PARP16: variants seen among roughly 807,000 people sequenced by gnomAD.
PARP16 encodes the protein poly(ADP-ribose) polymerase family member 16.
Under a neutral mutation model 35.0 loss-of-function variants are expected in PARP16, and 31 were observed. The observed-to-expected ratio is 0.88, with a 90% CI of 0.66 to 1.19. The LOEUF is 1.19. PARP16 is among the 50% of genes most tolerant of loss of function. The pLI is 0.00. For missense variants in PARP16, 424 were observed against 411.2 expected (o/e 1.03, Z -0.27); for synonymous variants, 162 against 169.5 (o/e 0.96, Z 0.34).
intron 2 of PARP16, 108 bp from the exon 3 acceptor site, chr15:65,266,876 GAAC>G (rs754773254): frequency 2.3e-5 from 17 of 753,132 alleles, no homozygotes; most frequent in Non-Finnish European, 3.6e-5. Flanking sequence ...CTGCTCATGA[GAAC>G]AACAGGTTTC....
chr15:65,285,275 T>A (rs2090554498), intron 1 of PARP16, among the ~76,000 whole-genome samples: 6 of 151,980 alleles, frequency 3.9e-5, no homozygotes, highest in Admixed American at 3.9e-4. Context: ...GTAGCTGGGA[T>A]TACAGGCATG....
rs1415686835 is a variant in PARP16, at chr15:65,271,045, G to C, written c.202C>G (p.Leu68Val). Reference protein sequence around the residue: ...LLADASKLPNLKELLQSSGDN... With the variant: ...LLADASKLPNVKELLQSSGDN... The stretch of plus-strand genomic sequence containing the variant: ...CCGGAGGACTGGAGAAGTTCTTTCA[G>C]GTTAGGTAACTTGCTGGCATCTGCA... Residue 68 changes from leucine (L) to valine (V), a missense_variant, in exon 2 of 6, where the codon CTG becomes GTG. By Grantham distance (32) the Leu-to-Val change is conservative. Coordinates refer to ENST00000649807, the MANE Select transcript of PARP16 (RefSeq NM_001316943.2). 1 of 1,614,092 alleles carries C rather than the reference G, an allele frequency of 6.2e-7. No homozygotes were observed. The highest frequency in any genetic ancestry group is 8.5e-7 in the Non-Finnish European group (1 of 1,179,978).
chr15:65,248,329 G>A (rs2089265574), intron 2 of PARP16: 1 of 455,026 alleles, frequency 2.2e-6, no homozygotes, highest in Admixed American at 2.4e-5. Flanking sequence ...TGCACAAATA[G>A]GCATATGTGC....
chr15:65,253,157 C>CA (rs1057228787), downstream of PARP16, among the ~76,000 whole-genome samples: 7 of 127,870 alleles, frequency 5.5e-5, no homozygotes, highest in Non-Finnish European at 9.1e-5. Flanking sequence ...ACAAAACAAA[C>CA]AAAAAAAACA....
intron 3 of PARP16, among the ~76,000 whole-genome samples, chr15:65,265,444 C>T (rs1359637505): frequency 6.6e-6 from 1 of 152,188 alleles, no homozygotes; most frequent in Non-Finnish European, 1.5e-5. Context: ...GTCTCTGTAG[C>T]TCCAGGGTCT....
chr15:65,272,032 G>C (rs2090111773), intron 1 of PARP16, among the ~76,000 whole-genome samples: 1 of 152,220 alleles, frequency 6.6e-6, no homozygotes, highest in Admixed American at 6.5e-5. Context: ...TCATGAGTGA[G>C]ACCAGCCTCT....
chr15:65,265,087 C>T (rs1461242937), intron 3 of PARP16, among the ~76,000 whole-genome samples: 1 of 152,202 alleles, frequency 6.6e-6, no homozygotes, highest in African/African-American at 2.4e-5. Flanking sequence ...TTAGCAAAAC[C>T]CAACGACATT....
At chr15:65,265,316 A>T (rs183700358) in intron 3 of PARP16, among the ~76,000 whole-genome samples, 1 of 152,358 alleles carries the variant, frequency 6.6e-6, no homozygotes, top group East Asian at 1.9e-4. Context: ...CTTTGCATAC[A>T]TGAACTGTTT....
intron 3 of PARP16, among the ~76,000 whole-genome samples, chr15:65,245,127 G>A (rs918595812): frequency 3.3e-5 from 5 of 152,256 alleles, no homozygotes; most frequent in African/African-American, 1.2e-4. Context: ...CTGCTCCTCA[G>A]TAATTCTGCT....
At chr15:65,236,921 G>A (rs1436747571) in intron 3 of PARP16, among the ~76,000 whole-genome samples, 1 of 147,354 alleles carries the variant, frequency 6.8e-6, no homozygotes, top group Non-Finnish European at 1.5e-5. Context: ...GCAGTGAGCC[G>A]AGATTGCACC....
downstream of PARP16, among the ~76,000 whole-genome samples, chr15:65,253,719 A>C (rs1373392859): frequency 1.3e-5 from 2 of 152,106 alleles, no homozygotes; most frequent in Admixed American, 6.6e-5. Context: ...TCACTCAATA[A>C]ACTCTTCTCC....
At chr15:65,236,152 C>T (rs2088873610) in intron 3 of PARP16, among the ~76,000 whole-genome samples, 1 of 152,094 alleles carries the variant, frequency 6.6e-6, no homozygotes, top group African/African-American at 2.4e-5. Context: ...AGCCACTGTG[C>T]CCAGCCCTGC....
At chr15:65,286,183 C>T (rs72731308) in intron 1 of PARP16, 70 bp downstream of exon 1, 41,123 of 1,269,668 alleles carry the variant, frequency 0.032, 813 homozygotes, top group Non-Finnish European at 0.036. Context: ...ATGGAACTGC[C>T]TCTACCTGTG....
At position 65,240,323 on chromosome 15, in the gene PARP16, A is replaced by AGTGTGTGTGTGTGTGT. The variant is rs34811236; in HGVS notation, c.*98-5516_*98-5501dup. 3.1e-3 allele frequency among the ~76,000 whole-genome samples: 397 copies of AGTGTGTGTGTGTGTGT among 126,084 alleles called. 5 individuals are homozygous for AGTGTGTGTGTGTGTGT. The highest frequency in any genetic ancestry group is 0.011 in the African/African-American group (337 of 32,014). The allele number at this position is 126,084 out of a possible 152,430, so 82.7% of individuals were successfully genotyped here. ...GTGTGTGTGTGTGGTGGGGGGGGCT[A>AGTGTGTGTGTGTGTGT]GTGTGTGTGTGTGTGTGTGTGTGTG... On this transcript the variant is annotated intron_variant and NMD_transcript_variant, in intron 3 of 3. Transcript: ENST00000559805.
intron 4 of PARP16, among the ~76,000 whole-genome samples, chr15:65,262,281 C>T (rs1275115139): frequency 1.3e-5 from 2 of 151,722 alleles, no homozygotes; most frequent in South Asian, 2.1e-4. Flanking sequence ...CACAGGCACA[C>T]GCCACCACAC....
At chr15:65,268,755 G>GT (rs1042152232) in intron 2 of PARP16, among the ~76,000 whole-genome samples, 5 of 151,726 alleles carry the variant, frequency 3.3e-5, no homozygotes, top group African/African-American at 9.7e-5. Context: ...CATTTCAGTG[G>GT]TTTTTTCTTT....
intron 3 of PARP16, among the ~76,000 whole-genome samples, chr15:65,240,483 A>T (rs2089042282): frequency 6.6e-6 from 1 of 152,088 alleles, no homozygotes; most frequent in Non-Finnish European, 1.5e-5. Flanking sequence ...TCAGCCTCTG[A>T]AAGTGCTGAA....
intron 5 of PARP16, 93 bp downstream of exon 5, chr15:65,260,792 G>A: frequency 9.1e-7 from 1 of 1,099,508 alleles, no homozygotes; most frequent in Non-Finnish European, 1.4e-6. Context: ...ATCTAGCGGA[G>A]GTCTAAGGCT....
At chr15:65,279,324 A>G (rs1180050159) in intron 1 of PARP16, among the ~76,000 whole-genome samples, 1 of 152,202 alleles carries the variant, frequency 6.6e-6, no homozygotes, top group African/African-American at 2.4e-5. Flanking sequence ...GTTGGTTGCT[A>G]TATTATTATT....
Sources: allele counts gnomAD v4.1 joint callset (sites outside exome capture counted in the v4.1 genomes callset), GRCh38; gene constraint gnomAD v4.1.1; transcripts MANE v1.5; gene names NCBI Gene and HGNC (gene_info 2026-07-23, HGNC 2026-07-21).